The following TRMT11 variants were observed in gnomAD, a reference collection of about 807,000 sequenced individuals.
TRMT11 encodes the protein tRNA (guanine(10)-N(2))-methyltransferase TRMT11.
Under a neutral mutation model 62.8 loss-of-function variants are expected in TRMT11, and 53 were observed. The ratio of observed to expected loss-of-function variants is 0.84; its 90% CI spans 0.68 to 1.06. TRMT11 has a LOEUF of 1.06. Ranked by LOEUF, TRMT11 falls within the 50% of genes least tolerant of loss-of-function variation. The pLI is 0.00. For synonymous variants in TRMT11, 188 were observed against 190.3 expected (o/e 0.99, Z 0.10); for missense variants, 556 against 553.4 (o/e 1.00, Z -0.05).
At chr6:126,258,390 A>G in the TRMT11 span, 1 of 336,890 alleles carries the variant, frequency 3.0e-6, no homozygotes, top group Non-Finnish European at 5.8e-6. Flanking sequence ...CTGTGTCTGG[A>G]CGCCAGCTGC....
At chr6:126,201,373 G>T (rs965997659) in intron 3 of TRMT11, among the ~76,000 whole-genome samples, 17 of 152,198 alleles carry the variant, frequency 1.1e-4, no homozygotes, top group African/African-American at 4.1e-4. Flanking sequence ...AGGTGTGAAA[G>T]TTGGCAGTTA....
chr6:126,258,505 C>T, the TRMT11 span: 1 of 200,574 alleles, frequency 5.0e-6, no homozygotes, highest in East Asian at 1.5e-4. Flanking sequence ...ATGCGGAGCC[C>T]CCAGGTCTGC....
At chr6:126,243,835 TGAC>T in the TRMT11 span, among the ~76,000 whole-genome samples, 1 of 152,134 alleles carries the variant, frequency 6.6e-6, no homozygotes, top group African/African-American at 2.4e-5. Flanking sequence ...CTAATGTAAA[TGAC>T]GAGTTCATGG....
intron 17 of TRMT11, among the ~76,000 whole-genome samples, chr6:126,086,614 G>A (rs983670438): frequency 2.0e-5 from 3 of 152,038 alleles, no homozygotes; most frequent in Admixed American, 1.3e-4. Context: ...AAGTCAGATC[G>A]TGCATTTCCC....
At chr6:126,111,742 A>G (rs771680536) in intron 17 of TRMT11, among the ~76,000 whole-genome samples, 17 of 152,094 alleles carry the variant, frequency 1.1e-4, no homozygotes, top group African/African-American at 4.1e-4. Context: ...CACTGACTCT[A>G]TGGGGAAATT....
chr6:126,159,956 TAAAA>T (rs540285082), intron 21 of TRMT11, among the ~76,000 whole-genome samples: 26 of 152,274 alleles, frequency 1.7e-4, no homozygotes, highest in African/African-American at 5.1e-4. Context: ...ATATAAGTGA[TAAAA>T]AAAGTGTGAA....
At chr6:126,269,917 C>T in the TRMT11 span, among the ~76,000 whole-genome samples, 1 of 152,048 alleles carries the variant, frequency 6.6e-6, no homozygotes, top group Non-Finnish European at 1.5e-5. Flanking sequence ...AAACTGGCTA[C>T]CTGTAAGAGA....
rs971479523 is a variant in TRMT11, at chr6:125,989,124, CTTTTTTTTTTTT to C, written c.72+2514_72+2525del. Among the ~76,000 whole-genome samples the C allele has an allele frequency of 8.5e-5, 8 of 94,426 alleles. No individual in the cohort carries two copies. The South Asian group carries it at 1.8e-3, about 21-fold the overall frequency. 61.9% of individuals were successfully genotyped at this position (94,426 alleles called of 152,430 possible). A position where few individuals can be genotyped will look rare whatever the true frequency, so the allele number is the denominator to read the frequency against. The stretch of plus-strand genomic sequence containing the variant: ...GACACCATTCTAAGGAGTTTGGATT[CTTTTTTTTTTTT>C]TTTTTTTTTTTGAGACGGAGTCTCG... On this transcript the variant is annotated intron_variant, in intron 1 of 12. Transcript: ENST00000334379.
chr6:126,154,231 G>A (rs1330063758), intron 21 of TRMT11, among the ~76,000 whole-genome samples: 2 of 152,088 alleles, frequency 1.3e-5, no homozygotes, highest in Admixed American at 6.6e-5. Context: ...TAAACCTTGT[G>A]AGATTTAAAT....
intron 17 of TRMT11, among the ~76,000 whole-genome samples, chr6:126,073,185 T>C (rs1292562933): frequency 6.6e-6 from 1 of 152,100 alleles, no homozygotes; most frequent in Non-Finnish European, 1.5e-5. Flanking sequence ...TCAAATGCAA[T>C]TGGAAATGCA....
chr6:126,059,459 C>T (rs1776468748), intron 17 of TRMT11, among the ~76,000 whole-genome samples: 1 of 152,032 alleles, frequency 6.6e-6, no homozygotes, highest in Admixed American at 6.6e-5. Flanking sequence ...AAAAGCATGA[C>T]CAGCAAGAAA....
At position 126,005,461 on chromosome 6, in the gene TRMT11, G is replaced by A. The variant is rs764987615; in HGVS notation, c.680-2931G>A. 4.9e-4 allele frequency among the ~76,000 whole-genome samples: 74 copies of A among 151,974 alleles called. 1 individual carries two copies. The highest frequency in any genetic ancestry group is 4.4e-4 in the Non-Finnish European group (30 of 67,958). On this transcript the variant is annotated intron_variant, in intron 7 of 12. Coordinates refer to ENST00000334379, the MANE Select transcript of TRMT11 (RefSeq NM_001031712.3). Reference sequence around the variant, plus strand: ...TAATATATTGTGAGGATTAAGTGAGGCAATATGTGTATATCATATTTCTAG... The same window carrying A: ...TAATATATTGTGAGGATTAAGTGAGACAATATGTGTATATCATATTTCTAG...
intron 1 of TRMT11, among the ~76,000 whole-genome samples, chr6:126,188,854 A>T (rs1237108280): frequency 1.3e-5 from 2 of 152,168 alleles, no homozygotes; most frequent in African/African-American, 4.8e-5. Context: ...ACTTTTTATT[A>T]AATCAATGGT....
intron 17 of TRMT11, among the ~76,000 whole-genome samples, chr6:126,095,117 T>A (rs1300916345): frequency 6.6e-6 from 1 of 152,196 alleles, no homozygotes; most frequent in East Asian, 1.9e-4. Flanking sequence ...TGTAATAGCA[T>A]GCATCTCTAG....
the TRMT11 span, among the ~76,000 whole-genome samples, chr6:126,214,262 G>A: frequency 2.6e-5 from 4 of 151,990 alleles, no homozygotes; most frequent in African/African-American, 4.8e-5. Context: ...AATATGTTTG[G>A]AAGTATTCCC....
intron 1 of TRMT11, chr6:126,198,662 T>C (rs1406673942): frequency 6.6e-6 from 1 of 152,252 alleles, no homozygotes; most frequent in Non-Finnish European, 1.5e-5. Flanking sequence ...AAAGCTCTTC[T>C]TTCTTTGTCT....
At chr6:125,998,413 G>A in intron 5 of TRMT11, 98 bp downstream of exon 5, 1 of 1,250,228 alleles carries the variant, frequency 8.0e-7, no homozygotes, top group African/African-American at 1.5e-5. Flanking sequence ...TGTTTATTTT[G>A]TACCACATTT....
In TRMT11 at chr6:126,038,748, C is replaced by T. The variant is rs113645271; in HGVS notation, c.1304C>T (p.Pro435Leu). The T allele has an allele frequency of 2.7e-4, 438 of 1,600,042 alleles. 3 individuals are homozygous for T. The African/African-American group carries it at 5.4e-3, about 20-fold the overall frequency. ...CATCTGCTAAGTGATCATTTTCTGC[C>T]ATACCAAGGTCATAATTCCTTCCGT... ...YSHLLSDHFLPYQGHNSFREK... is the reference protein window; with the variant it reads ...YSHLLSDHFLLYQGHNSFREK... Residue 435 changes from proline (P) to leucine (L), a missense_variant, in exon 13 of 13, where the codon CCA becomes CTA. Pro to Leu is a moderately conservative substitution (Grantham distance 98). Transcript: ENST00000334379.
Position 126,144,033 on chromosome 6 carries a change from A to G in TRMT11, c.*1823+28178A>G, listed in dbSNP as rs547006959. On this transcript the variant is annotated intron_variant and NMD_transcript_variant, in intron 21 of 22. Coordinates refer to the TRMT11 transcript ENST00000648977. The stretch of plus-strand genomic sequence containing the variant: ...TAATGATCTTTTGGAAGTCACATGA[A>G]TAGATTGATTTCTGTTTTGATCTTG... Among the ~76,000 whole-genome samples, 228 of 152,322 alleles carry G rather than the reference A, an allele frequency of 1.5e-3. 2 individuals are homozygous for G. The highest frequency in any genetic ancestry group is 2.7e-3 in the Non-Finnish European group (186 of 68,030).
Sources: gnomAD v4.1 joint callset for allele counts (sites outside exome capture counted in the v4.1 genomes callset) on GRCh38, gnomAD v4.1.1 for gene constraint, MANE v1.5 for transcripts, NCBI Gene and HGNC (gene_info 2026-07-23, HGNC 2026-07-21) for gene names.